The following RANBP2 variants were observed in gnomAD, a reference collection of about 807,000 sequenced individuals.
RANBP2 encodes E3 SUMO-protein ligase RanBP2.
Under a neutral mutation model 303.6 loss-of-function variants are expected in RANBP2, and 57 were observed. The observed-to-expected ratio is 0.19, with a 90% CI of 0.15 to 0.23. The LOEUF is 0.23. Among genes scored for constraint, RANBP2 ranks in the 10% least tolerant of loss-of-function variants. The pLI is 1.00. For missense variants in RANBP2, 3,138 were observed against 3,780.8 expected (o/e 0.83, Z 4.46); for synonymous variants, 1,167 against 1,301.5 (o/e 0.90, Z 2.23).
At position 108,739,238 on chromosome 2, in the gene RANBP2, CT is replaced by C. The variant is rs547584029; in HGVS notation, c.783-1250del. ...TAACAATGGTGAAACCTTGTCTCTA[CT>C]AAAAATACAAAAAATTAGCCGGGTA... On this transcript the variant is annotated intron_variant, in intron 6 of 28. Coordinates refer to ENST00000283195, the MANE Select transcript of RANBP2 (RefSeq NM_006267.5). 3.0e-3 allele frequency among the ~76,000 whole-genome samples: 463 copies of C among 151,972 alleles called. 1 individual carries two copies. The highest frequency in any genetic ancestry group is 4.7e-3 in the Non-Finnish European group (318 of 67,980).
At chr2:109,261,858 T>G in the RANBP2 span, among the ~76,000 whole-genome samples, 1 of 152,236 alleles carries the variant, frequency 6.6e-6, no homozygotes, top group African/African-American at 2.4e-5. Flanking sequence ...GCTTGCCTTT[T>G]TTTTTTAAAT....
chr2:109,722,126 G>T, the RANBP2 span, among the ~76,000 whole-genome samples: 1 of 152,224 alleles, frequency 6.6e-6, no homozygotes, highest in East Asian at 1.9e-4. Context: ...CGATTTTAGA[G>T]TTGGCTGAGC....
At chr2:109,566,010 G>A in the RANBP2 span, 1 of 693,312 alleles carries the variant, frequency 1.4e-6, no homozygotes, top group Non-Finnish European at 2.5e-6. Context: ...ACCTGCCAGT[G>A]AATATGTGCT....
rs549287987 is a variant in RANBP2 at position 108,764,063 on chromosome 2, T to C, written c.3524T>C (p.Val1175Ala). Residue 1175 changes from valine (V) to alanine (A), a missense_variant, in exon 20 of 29, where the codon GTA (valine) becomes GCA (alanine). Transcript: ENST00000283195. The part of the protein sequence containing the change: ...DDDDGPHFEP[V>A]VPLPDKIEVK... The stretch of plus-strand genomic sequence containing the variant: ...GATGACGGTCCTCACTTTGAGCCTG[T>C]AGTACCTCTTCCTGATAAGATTGAA... 6 of 1,614,090 alleles carry C rather than the reference T, an allele frequency of 3.7e-6. No homozygotes were observed. In the East Asian group the frequency reaches 1.3e-4, roughly 36 times the overall value.
the RANBP2 span, among the ~76,000 whole-genome samples, chr2:108,947,406 C>T: frequency 3.3e-5 from 5 of 152,194 alleles, no homozygotes; most frequent in African/African-American, 1.2e-4. Flanking sequence ...CGTCTCACAG[C>T]TCCACTAGGC....
chr2:109,189,288 C>T, the RANBP2 span, among the ~76,000 whole-genome samples: 1 of 151,608 alleles, frequency 6.6e-6, no homozygotes, highest in Admixed American at 6.6e-5. Context: ...CCTTGGCATT[C>T]TGATTGTCAG....
chr2:109,209,697 C>G, the RANBP2 span, among the ~76,000 whole-genome samples: 3 of 152,128 alleles, frequency 2.0e-5, no homozygotes, highest in East Asian at 5.8e-4. Context: ...GCATGAGTCA[C>G]TACAAAATGT....
At chr2:108,823,157 A>G in the RANBP2 span, among the ~76,000 whole-genome samples, 2 of 152,144 alleles carry the variant, frequency 1.3e-5, no homozygotes, top group African/African-American at 2.4e-5. Flanking sequence ...AAAAAACCCA[A>G]ACCTCCCAAC....
chr2:108,724,523 C>T (rs1315079647), intron 1 of RANBP2, among the ~76,000 whole-genome samples: 6 of 152,002 alleles, frequency 3.9e-5, no homozygotes, highest in South Asian at 2.1e-4. Flanking sequence ...GTTAGGAGTC[C>T]GATGAGATTC....
At chr2:109,507,622 T>C in the RANBP2 span, among the ~76,000 whole-genome samples, 3 of 152,242 alleles carry the variant, frequency 2.0e-5, no homozygotes, top group Non-Finnish European at 4.4e-5. Flanking sequence ...CCTCCCTCAG[T>C]GAAAATCCTG....
the RANBP2 span, among the ~76,000 whole-genome samples, chr2:109,019,353 T>C: frequency 6.6e-6 from 1 of 152,324 alleles, no homozygotes; most frequent in East Asian, 1.9e-4. Context: ...AAGTTTTGAA[T>C]GAAATAGATC....
At chr2:108,923,507 G>A in the RANBP2 span, 1 of 1,545,774 alleles carries the variant, frequency 6.5e-7, no homozygotes, top group South Asian at 1.1e-5. Context: ...CAGCACACAG[G>A]CAGGGACTGG....
chr2:108,930,256 G>C, the RANBP2 span: 2 of 1,614,054 alleles, frequency 1.2e-6, no homozygotes, highest in South Asian at 1.1e-5. Flanking sequence ...CCAACAAAGG[G>C]GGGTGTTGTG....
At chr2:108,920,887 C>T in the RANBP2 span, among the ~76,000 whole-genome samples, 2 of 152,158 alleles carry the variant, frequency 1.3e-5, no homozygotes, top group Non-Finnish European at 2.9e-5. Context: ...CCACTGGGAG[C>T]TGCCCGGGGC....
the RANBP2 span, among the ~76,000 whole-genome samples, chr2:109,278,768 T>C: frequency 5.3e-5 from 8 of 152,190 alleles, no homozygotes; most frequent in Admixed American, 4.6e-4. Context: ...TGTACCCAAC[T>C]GAAACCCATG....
At chr2:109,546,364 TG>T in the RANBP2 span, 270 of 523,184 alleles carry the variant, frequency 5.2e-4, no homozygotes, top group African/African-American at 4.7e-3. Context: ...AAAATCTTTC[TG>T]AAGTCTCAGA....
the RANBP2 span, among the ~76,000 whole-genome samples, chr2:109,660,691 G>A: frequency 2.0e-5 from 3 of 152,208 alleles, no homozygotes; most frequent in Non-Finnish European, 4.4e-5. Flanking sequence ...AGCCTGAGCC[G>A]CAGAGTGCTG....
chr2:109,334,344 T>G, the RANBP2 span, among the ~76,000 whole-genome samples: 1 of 138,654 alleles, frequency 7.2e-6, no homozygotes, highest in Non-Finnish European at 1.5e-5. Flanking sequence ...GGTGACAGTT[T>G]TTTTTTTTTC....
chr2:108,829,740 T>A, the RANBP2 span, among the ~76,000 whole-genome samples: 159 of 152,252 alleles, frequency 1.0e-3, 3 homozygotes, highest in East Asian at 5.8e-4. Context: ...ATTGAGACTG[T>A]GTCAATACAT....
Sources: allele counts gnomAD v4.1 joint callset (sites outside exome capture counted in the v4.1 genomes callset), GRCh38; gene constraint gnomAD v4.1.1; transcripts MANE v1.5; gene names NCBI Gene and HGNC (gene_info 2026-07-23, HGNC 2026-07-21).